ITGA1: variants seen among roughly 807,000 people sequenced by gnomAD.
ITGA1 encodes the protein integrin subunit alpha 1.
A neutral mutation model predicts 145.9 loss-of-function variants in ITGA1; 85 were observed. The ratio of observed to expected loss-of-function variants is 0.58; its 90% CI spans 0.49 to 0.70. The LOEUF (loss-of-function observed/expected upper bound fraction) is 0.70. ITGA1 is among the 30% of genes least tolerant of loss of function. The pLI is 0.00. For synonymous variants in ITGA1, 520 were observed against 495.3 expected, an observed-to-expected ratio of 1.05 and a Z score of -0.66; for missense variants, 1,351 against 1,418.7, an observed-to-expected ratio of 0.95 and a Z score of 0.77.
intron 1 of ITGA1, among the ~76,000 whole-genome samples, chr5:52,831,075 A>C (rs1480591359): frequency 6.6e-6 from 1 of 152,130 alleles, no homozygotes; most frequent in African/African-American, 2.4e-5. Flanking sequence ...TGAAATATAG[A>C]GACCTTTTAG....
At position 52,865,737 on chromosome 5, in the gene ITGA1, A is replaced by G; in HGVS notation, c.544A>G (p.Ser182Gly). The G allele has an allele frequency of 6.2e-7, 1 of 1,601,274 alleles. No individual in the cohort carries two copies. Among genetic ancestry groups the G allele is most frequent in the Non-Finnish European group, 8.5e-7 (1 of 1,175,334 alleles). Reference sequence around the variant, plus strand: ...AGTCATAGTGCTGGATGGTTCCAACAGTATTTACCCATGGGACAGTGTTAC... The same window carrying G: ...AGTCATAGTGCTGGATGGTTCCAACGGTATTTACCCATGGGACAGTGTTAC... ...DIVIVLDGSN[S>G]IYPWDSVTAF... is the part of the protein sequence containing the mutation. Residue 182 changes from serine to glycine, a missense_variant, in exon 6 of 29, where the codon AGT becomes GGT. Transcript: ENST00000282588.
intron 22 of ITGA1, 105 bp downstream of exon 22, chr5:52,932,241 G>C: frequency 1.5e-6 from 1 of 672,252 alleles, no homozygotes; most frequent in Non-Finnish European, 2.6e-6. Flanking sequence ...CTGGAAACTT[G>C]TTAGGCAAAT....
chr5:52,796,824 G>T (rs1379032213), intron 1 of ITGA1, among the ~76,000 whole-genome samples: 1 of 152,090 alleles, frequency 6.6e-6, no homozygotes, highest in African/African-American at 2.4e-5. Flanking sequence ...TTTCAAGTTT[G>T]AGATAACATT....
chr5:52,800,294 C>T (rs1748440322), intron 1 of ITGA1: 1 of 1,342,562 alleles, frequency 7.4e-7, no homozygotes, highest in Non-Finnish European at 1.0e-6. Context: ...AGAAACCGGG[C>T]CCCGCCCCCT....
At chr5:52,855,194 A>G (rs1254650834) in intron 2 of ITGA1, among the ~76,000 whole-genome samples, 1 of 152,190 alleles carries the variant, frequency 6.6e-6, no homozygotes, top group Non-Finnish European at 1.5e-5. Flanking sequence ...CAGGGTCAGG[A>G]TATGGAACAC....
At chr5:52,877,164 G>C (rs1384995379) in intron 6 of ITGA1, among the ~76,000 whole-genome samples, 1 of 152,150 alleles carries the variant, frequency 6.6e-6, no homozygotes, top group Non-Finnish European at 1.5e-5. Flanking sequence ...CATTGATACA[G>C]GCAATGGAGA....
chr5:52,847,087 A>G (rs529090734), intron 1 of ITGA1, among the ~76,000 whole-genome samples: 52 of 152,290 alleles, frequency 3.4e-4, no homozygotes, highest in Non-Finnish European at 6.2e-4. Context: ...ATTTGGGGGG[A>G]AAAATCTGAC....
At chr5:52,942,529 G>T (rs1175691973) in intron 26 of ITGA1, among the ~76,000 whole-genome samples, 1 of 140,350 alleles carries the variant, frequency 7.1e-6, no homozygotes, top group Non-Finnish European at 1.5e-5. Flanking sequence ...TTCTGTAAAT[G>T]GAGTTTTTTT....
In ITGA1 at chr5:52,954,851, G is replaced by A. The variant is rs1009065323; in HGVS notation, c.*2400G>A. The A allele has an allele frequency of 7.9e-5, 12 of 151,922 alleles. No individual in the cohort carries two copies. The highest frequency in any genetic ancestry group is 2.9e-4 in the African/African-American group (12 of 41,348). The allele number at this position is 151,922 out of a possible 1,614,324, so 9.4% of individuals were successfully genotyped here. On this transcript the variant is annotated 3_prime_UTR_variant, in exon 29 of 29. Transcript: ENST00000282588. ...TTTAAAAAACAAGTACAGAGCGTTTGATTAAAAAAAGTCAACAAATGTTTC... is the reference window on the plus strand; with the variant it reads ...TTTAAAAAACAAGTACAGAGCGTTTAATTAAAAAAAGTCAACAAATGTTTC...
Position 52,918,819 on chromosome 5 carries a change from A to G in ITGA1, c.2076A>G (p.Gly692=), listed in dbSNP as rs1361820211. The part of the protein sequence containing the change: ...NIQKKNCHME[G]KETVCINATV... ...AAAAGAAAAACTGCCATATGGAGGG[A>G]AAGGAAACAGTATGCATAAATGCTA... Residue 692 remains glycine (G), a synonymous_variant, in exon 16 of 29, where the codon GGA becomes GGG. Coordinates refer to ENST00000282588, the MANE Select transcript of ITGA1 (RefSeq NM_181501.2). 1.2e-6 allele frequency: 2 copies of G among 1,612,906 alleles called. No homozygotes were observed. Among genetic ancestry groups the G allele is most frequent in the Admixed American group, 3.3e-5 (2 of 59,846 alleles).
chr5:52,877,272 G>C (rs1441399926), intron 6 of ITGA1, among the ~76,000 whole-genome samples: 1 of 152,100 alleles, frequency 6.6e-6, no homozygotes, highest in Non-Finnish European at 1.5e-5. Flanking sequence ...GAAGAGAGTG[G>C]AAATGAAGAG....
intron 2 of ITGA1, among the ~76,000 whole-genome samples, chr5:52,851,301 T>A (rs931831556): frequency 6.6e-6 from 1 of 152,150 alleles, no homozygotes; most frequent in Non-Finnish European, 1.5e-5. Context: ...CTTAGTAGAG[T>A]GAAAAGGGGT....
intron 1 of ITGA1, among the ~76,000 whole-genome samples, chr5:52,839,592 T>C (rs1749220850): frequency 6.6e-6 from 1 of 152,218 alleles, no homozygotes; most frequent in Non-Finnish European, 1.5e-5. Flanking sequence ...GAAAAAGTTG[T>C]ACCTTTATTA....
At chr5:52,821,604 C>G (rs559147507) in intron 1 of ITGA1, among the ~76,000 whole-genome samples, 1 of 152,276 alleles carries the variant, frequency 6.6e-6, no homozygotes, top group South Asian at 2.1e-4. Flanking sequence ...TAAGCATATA[C>G]TCATACAGTA....
intron 23 of ITGA1, among the ~76,000 whole-genome samples, chr5:52,937,148 A>T (rs1166054862): frequency 1.3e-5 from 2 of 152,150 alleles, no homozygotes; most frequent in East Asian, 3.9e-4. Context: ...TCCTAGGTCT[A>T]TTAAGAGAAT....
At chr5:52,800,265 C>A in intron 1 of ITGA1, 1 of 900,008 alleles carries the variant, frequency 1.1e-6, no homozygotes, top group Non-Finnish European at 1.7e-6. Flanking sequence ...TGTTTCCTTC[C>A]CGCCAGGCAA....
intron 24 of ITGA1, among the ~76,000 whole-genome samples, chr5:52,938,421 G>C (rs1345938956): frequency 3.3e-5 from 5 of 152,124 alleles, no homozygotes; most frequent in Non-Finnish European, 4.4e-5. Context: ...TTGGAAATCT[G>C]TCTTTTCATG....
intron 24 of ITGA1, among the ~76,000 whole-genome samples, chr5:52,938,048 C>T (rs1281802781): frequency 6.6e-6 from 1 of 152,104 alleles, no homozygotes; most frequent in Non-Finnish European, 1.5e-5. Flanking sequence ...TCTGCAAAGA[C>T]CCTATTTCCA....
At chr5:52,885,653 C>G (rs1297928442) in intron 7 of ITGA1, among the ~76,000 whole-genome samples, 1 of 152,120 alleles carries the variant, frequency 6.6e-6, no homozygotes, top group Non-Finnish European at 1.5e-5. Context: ...GCAGTCAGAA[C>G]CATAAGAAGT....
Sources: gnomAD v4.1 joint callset for allele counts (sites outside exome capture counted in the v4.1 genomes callset) on GRCh38, gnomAD v4.1.1 for gene constraint, MANE v1.5 for transcripts, NCBI Gene and HGNC (gene_info 2026-07-23, HGNC 2026-07-21) for gene names.